Variants in PDE8B observed in about 807,000 individuals in gnomAD.
PDE8B encodes the protein high affinity cAMP-specific and IBMX-insensitive 3',5'-cyclic phosphodiesterase 8B.
In PDE8B, 26 loss-of-function variants were observed where a neutral mutation model predicts 101.3. The observed-to-expected ratio is 0.26, with a 90% CI of 0.19 to 0.36. The LOEUF is 0.36. Among genes scored for constraint, PDE8B ranks in the 10% least tolerant of loss-of-function variants. The pLI, the probability that PDE8B is intolerant of heterozygous loss-of-function variation, is 1.00. For synonymous variants in PDE8B, 424 were observed against 429.3 expected, an observed-to-expected ratio of 0.99 and a Z score of 0.15; for missense variants, 810 against 1,163.1, an observed-to-expected ratio of 0.70 and a Z score of 4.42.
intron 1 of PDE8B, among the ~76,000 whole-genome samples, chr5:77,225,844 G>T (rs1014557219): frequency 8.6e-6 from 1 of 116,212 alleles, no homozygotes; most frequent in Admixed American, 9.1e-5. Flanking sequence ...TCCCACATGC[G>T]CGTGCACACA....
chr5:77,292,285 C>T (rs952738005), intron 1 of PDE8B, among the ~76,000 whole-genome samples: 1 of 152,152 alleles, frequency 6.6e-6, no homozygotes, highest in African/African-American at 2.4e-5. Context: ...CTAGGTTCCT[C>T]CTGCCCCCAA....
intron 1 of PDE8B, among the ~76,000 whole-genome samples, chr5:77,309,512 C>T (rs1772053766): frequency 6.6e-6 from 1 of 151,956 alleles, no homozygotes; most frequent in African/African-American, 2.4e-5. Context: ...CACAGGTGGT[C>T]TTGTTGGAGG....
rs185137742 is a variant in PDE8B, at chr5:77,304,295, T to A, written c.340-7699T>A. On this transcript the variant is annotated intron_variant, in intron 1 of 21. Coordinates refer to ENST00000264917, the MANE Select transcript of PDE8B (RefSeq NM_003719.5). ...AAATTTTTATCTTCCTGATTACTAATGATGATGAGCATCTCTTCATACTTA... is the reference window on the plus strand; with the variant it reads ...AAATTTTTATCTTCCTGATTACTAAAGATGATGAGCATCTCTTCATACTTA... Among the ~76,000 whole-genome samples the A allele has an allele frequency of 2.6e-5, 4 of 152,344 alleles. No individual in the cohort carries two copies. In the East Asian group the frequency reaches 5.8e-4, roughly 22 times the overall value.
chr5:77,172,057 C>T, the PDE8B span, among the ~76,000 whole-genome samples: 1 of 152,138 alleles, frequency 6.6e-6, no homozygotes, highest in African/African-American at 2.4e-5. Flanking sequence ...CAAGTATATT[C>T]TAAACACCCA....
chr5:77,262,607 T>C (rs1176412462), intron 1 of PDE8B, among the ~76,000 whole-genome samples: 1 of 152,230 alleles, frequency 6.6e-6, no homozygotes, highest in East Asian at 1.9e-4. Context: ...GTGCACAAAA[T>C]AAACTTCTTT....
intron 6 of PDE8B, among the ~76,000 whole-genome samples, chr5:77,337,737 T>C (rs1260604814): frequency 2.7e-4 from 41 of 152,216 alleles, no homozygotes; most frequent in Admixed American, 2.6e-3. Context: ...GTAACCACAA[T>C]AGCAATTTTA....
At chr5:77,148,140 TA>T in the PDE8B span, 1 of 152,226 alleles carries the variant, frequency 6.6e-6, no homozygotes, top group East Asian at 1.9e-4. Context: ...TTAAAACTGT[TA>T]ACAAACTTGC....
At chr5:77,334,103 C>T (rs550114062) in intron 5 of PDE8B, among the ~76,000 whole-genome samples, 11 of 152,360 alleles carry the variant, frequency 7.2e-5, no homozygotes, top group African/African-American at 2.6e-4. Context: ...GGGCAAAATC[C>T]TGTCTTTCAC....
At chr5:77,423,251 C>T (rs1446919062) in intron 20 of PDE8B, among the ~76,000 whole-genome samples, 1 of 152,178 alleles carries the variant, frequency 6.6e-6, no homozygotes. Context: ...TTTCTTCATC[C>T]AGTCCACCAA....
intron 7 of PDE8B, among the ~76,000 whole-genome samples, chr5:77,348,967 A>G (rs764656414): frequency 3.3e-5 from 5 of 152,228 alleles, no homozygotes; most frequent in Admixed American, 1.3e-4. Flanking sequence ...AATTACAGGC[A>G]TGAGCCACTG....
At chr5:77,113,032 G>A in the PDE8B span, 1 of 152,256 alleles carries the variant, frequency 6.6e-6, no homozygotes, top group Admixed American at 6.5e-5. Context: ...CAAACAAATG[G>A]AAGAATATTC....
At chr5:77,195,225 A>G in the PDE8B span, among the ~76,000 whole-genome samples, 1 of 152,266 alleles carries the variant, frequency 6.6e-6, no homozygotes, top group Non-Finnish European at 1.5e-5. Flanking sequence ...GCAGAAGGGC[A>G]AGAGTACAAG....
chr5:77,116,204 C>CTATATATATATATATA, the PDE8B span, among the ~76,000 whole-genome samples: 9 of 91,088 alleles, frequency 9.9e-5, no homozygotes, highest in African/African-American at 3.8e-4. Flanking sequence ...CCGAGTTCTT[C>CTATATATATATATATA]TATATATATA....
chr5:77,403,297 G>A (rs1392322851), intron 11 of PDE8B, among the ~76,000 whole-genome samples: 2 of 152,142 alleles, frequency 1.3e-5, no homozygotes, highest in African/African-American at 4.8e-5. Context: ...CTGGAAAATA[G>A]GGACAAGGGT....
At chr5:77,367,923 A>G (rs917767818) in intron 10 of PDE8B, among the ~76,000 whole-genome samples, 4 of 152,180 alleles carry the variant, frequency 2.6e-5, no homozygotes, top group Admixed American at 2.6e-4. Context: ...AAAAGCCCCC[A>G]ACTTGTTCTC....
chr5:77,421,345 A>T (rs1346265564), intron 19 of PDE8B, among the ~76,000 whole-genome samples: 2 of 152,182 alleles, frequency 1.3e-5, no homozygotes, highest in Non-Finnish European at 2.9e-5. Flanking sequence ...TGGTAGGCAT[A>T]AGTAGTAGAA....
At chr5:77,382,073 C>T (rs146191782) in intron 10 of PDE8B, among the ~76,000 whole-genome samples, 16 of 152,208 alleles carry the variant, frequency 1.1e-4, no homozygotes, top group Non-Finnish European at 1.3e-4. Flanking sequence ...GCCATCAATC[C>T]GTATACTCAG....
chr5:77,096,157 T>G, the PDE8B span, among the ~76,000 whole-genome samples: 1 of 152,076 alleles, frequency 6.6e-6, no homozygotes, highest in Non-Finnish European at 1.5e-5. Flanking sequence ...ACCCAGCGAA[T>G]TTTTGTATTT....
chr5:77,202,532 T>G, the PDE8B span, among the ~76,000 whole-genome samples: 1 of 152,258 alleles, frequency 6.6e-6, no homozygotes. Flanking sequence ...CTAGCTTACT[T>G]TATTGTAAGA....
Sources: allele counts gnomAD v4.1 joint callset (sites outside exome capture counted in the v4.1 genomes callset), GRCh38; gene constraint gnomAD v4.1.1; transcripts MANE v1.5; gene names NCBI Gene and HGNC (gene_info 2026-07-23, HGNC 2026-07-21).